The following TEX29 variants were observed in gnomAD, a reference collection of about 807,000 sequenced individuals.
The protein encoded by TEX29 is testis-expressed protein 29.
A neutral mutation model predicts 18.2 loss-of-function variants in TEX29; 26 were observed. The ratio of observed to expected loss-of-function variants is 1.43; its 90% confidence interval spans 1.04 to 1.98. The LOEUF (loss-of-function observed/expected upper bound fraction) is 1.98, where lower values mean the gene tolerates loss of function less well. Among genes scored for constraint, TEX29 ranks in the 30% most tolerant of loss-of-function variants. The pLI is 0.00. For missense variants in TEX29, 177 were observed against 194.2 expected (o/e 0.91, Z 0.53); for synonymous variants, 83 against 78.5 (o/e 1.06, Z -0.31).
intron 2 of TEX29, 29 bp from the exon 3 acceptor site, chr13:111,328,154 G>A (rs768444194): frequency 9.5e-6 from 14 of 1,479,828 alleles, no homozygotes; most frequent in Non-Finnish European, 1.3e-5. Flanking sequence ...TTTCGGGGGT[G>A]ACACTTGTGT....
rs1049338448 is a variant in TEX29, at chr13:111,320,742, C to A, written c.-55C>A. Reference sequence around the variant, plus strand: ...AGAGGCACAGGTGGCTGAGGGGACCCGCCTGGGATGTGAGGCGCAGGTGAG... The same window carrying A: ...AGAGGCACAGGTGGCTGAGGGGACCAGCCTGGGATGTGAGGCGCAGGTGAG... On this transcript the variant is annotated 5_prime_UTR_variant, in exon 1 of 6. Transcript: ENST00000283547. 6 of 916,378 alleles carry A rather than the reference C, an allele frequency of 6.5e-6. No individual in the cohort carries two copies. Among genetic ancestry groups the A allele is most frequent in the Non-Finnish European group, 8.9e-6 (5 of 559,184 alleles). The allele number at this position is 916,378 out of a possible 1,614,324, so 56.8% of individuals were successfully genotyped here.
chr13:111,323,026 C>T (rs532847335), intron 2 of TEX29, among the ~76,000 whole-genome samples: 144 of 152,358 alleles, frequency 9.5e-4, no homozygotes, highest in Non-Finnish European at 1.5e-3. Context: ...TCCTTCTCTG[C>T]GCAACTTTGC....
At chr13:111,328,385 C>T (rs1378655767) in intron 3 of TEX29, 92 bp downstream of exon 3, 1 of 853,170 alleles carries the variant, frequency 1.2e-6, no homozygotes, top group Non-Finnish European at 2.0e-6. Context: ...TCCTCGGGGT[C>T]TCTGTTTGCT....
chr13:111,328,023 T>C (rs1298661872), intron 2 of TEX29, among the ~76,000 whole-genome samples, 160 bp from the exon 3 acceptor site: 1 of 152,232 alleles, frequency 6.6e-6, no homozygotes, highest in African/African-American at 2.4e-5. Flanking sequence ...TTCTGGATCT[T>C]AGTTTCAAAT....
At chr13:111,326,785 C>T (rs1467138984) in intron 2 of TEX29, among the ~76,000 whole-genome samples, 2 of 152,074 alleles carry the variant, frequency 1.3e-5, no homozygotes, top group African/African-American at 2.4e-5. Context: ...TCATCACCTG[C>T]GTCAGAAAGT....
intron 5 of TEX29, among the ~76,000 whole-genome samples, chr13:111,343,584 G>A (rs2093700239): frequency 6.6e-6 from 1 of 152,188 alleles, no homozygotes; most frequent in Non-Finnish European, 1.5e-5. Context: ...GAGGTTGCCG[G>A]TTGCTTTTCC....
intron 2 of TEX29, among the ~76,000 whole-genome samples, chr13:111,322,586 T>C (rs923043179): frequency 3.9e-5 from 6 of 152,140 alleles, no homozygotes; most frequent in Non-Finnish European, 8.8e-5. Flanking sequence ...GTGTGCCAGG[T>C]CACCCAAGGC....
At chr13:111,320,998 G>C (rs778454385) in intron 2 of TEX29, 50 bp downstream of exon 2, 8 of 1,040,448 alleles carry the variant, frequency 7.7e-6, no homozygotes, top group South Asian at 4.6e-5. Context: ...GAGCAGTTGG[G>C]GGGGGGCACA....
At chr13:111,316,204 G>A (rs1036807786), upstream of TEX29, 1 of 503,478 alleles carries the variant, frequency 2.0e-6, no homozygotes, top group Non-Finnish European at 4.0e-6. Flanking sequence ...CCTGGAAGAA[G>A]AACCTGATGC....
intron 3 of TEX29, among the ~76,000 whole-genome samples, chr13:111,338,973 G>GT (rs1298826871): frequency 1.3e-5 from 2 of 152,210 alleles, no homozygotes; most frequent in African/African-American, 4.8e-5. Flanking sequence ...GTGCTGGGCG[G>GT]TGCTGCGCCC....
intron 4 of TEX29, among the ~76,000 whole-genome samples, chr13:111,340,144 TGTTTAGTGA>T (rs2093695637): frequency 6.6e-6 from 1 of 151,398 alleles, no homozygotes; most frequent in African/African-American, 2.4e-5. Flanking sequence ...TCATAACCCA[TGTTTAGTGA>T]GCACCTGTGC....
chr13:111,320,955 A>C lies in TEX29; in HGVS notation c.58+7A>C, dbSNP rs771742643. 2.9e-5 allele frequency: 22 copies of C among 757,396 alleles called. No individual in the cohort carries two copies. The South Asian group carries it at 4.5e-4, about 16-fold the overall frequency. The allele number at this position is 757,396 out of a possible 1,614,324, so 46.9% of individuals were successfully genotyped here. A position where few individuals can be genotyped will look rare whatever the true frequency, so the allele number is the denominator to read the frequency against. On this transcript the variant is annotated splice_region_variant and intron_variant, in intron 2 of 5. Coordinates refer to ENST00000283547, the MANE Select transcript of TEX29 (RefSeq NM_152324.3). ...CTCCTGAAGCAATTCACAGGTATGG[A>C]GGGAAGGCGCCAGGGGGGCGGGTGG...
upstream of TEX29, among the ~76,000 whole-genome samples, chr13:111,317,852 C>T (rs1182796442): frequency 6.6e-6 from 1 of 152,194 alleles, no homozygotes; most frequent in Admixed American, 6.5e-5. Flanking sequence ...TGTTGCTGCA[C>T]AGCCGTCCGT....
intron 3 of TEX29, among the ~76,000 whole-genome samples, chr13:111,329,224 C>T (rs745817944): frequency 2.0e-5 from 3 of 152,102 alleles, no homozygotes; most frequent in South Asian, 2.1e-4. Flanking sequence ...CTGCACAGCA[C>T]GCCCTCGGGA....
At position 111,320,746 on chromosome 13, in the gene TEX29, TG is replaced by T; in HGVS notation, c.-48del. The T allele has an allele frequency of 1.1e-6, 1 of 949,986 alleles. No homozygotes were observed. Among genetic ancestry groups the T allele is most frequent in the Non-Finnish European group, 1.7e-6 (1 of 586,566 alleles). The allele number at this position is 949,986 out of a possible 1,614,324, so 58.8% of individuals were successfully genotyped here. ...GCACAGGTGGCTGAGGGGACCCGCC[TG>T]GGATGTGAGGCGCAGGTGAGTCGAT... On this transcript the variant is annotated 5_prime_UTR_variant, in exon 1 of 6. Transcript: ENST00000283547.
At chr13:111,336,487 A>T (rs569207806) in intron 3 of TEX29, among the ~76,000 whole-genome samples, 14 of 152,340 alleles carry the variant, frequency 9.2e-5, no homozygotes, top group African/African-American at 3.1e-4. Flanking sequence ...AATCTGTATT[A>T]TTAAGAATAT....
At chr13:111,331,646 A>C (rs2093682926) in intron 3 of TEX29, among the ~76,000 whole-genome samples, 1 of 152,120 alleles carries the variant, frequency 6.6e-6, no homozygotes. Context: ...CAAGGTTGCA[A>C]ATATTTATAC....
Position 111,320,880 on chromosome 13 carries a change from C to A in TEX29, c.-11C>A. On this transcript the variant is annotated 5_prime_UTR_variant, in exon 2 of 6. Coordinates refer to ENST00000283547, the MANE Select transcript of TEX29 (RefSeq NM_152324.3). Reference sequence around the variant, plus strand: ...AGGTGTGCTCGGCCCCTTCATCTGTCAGCTGCAGCAATGGAATACGTGCTG... The same window carrying A: ...AGGTGTGCTCGGCCCCTTCATCTGTAAGCTGCAGCAATGGAATACGTGCTG... The A allele has an allele frequency of 6.2e-7, 1 of 1,613,158 alleles. No homozygotes were observed. The highest frequency in any genetic ancestry group is 1.1e-5 in the South Asian group (1 of 91,072).
upstream of TEX29, among the ~76,000 whole-genome samples, chr13:111,319,277 C>T (rs1242631497): frequency 1.3e-5 from 2 of 152,108 alleles, no homozygotes; most frequent in Non-Finnish European, 2.9e-5. Context: ...TTGAGTGTTC[C>T]CAACAGCATT....
Sources: allele counts gnomAD v4.1 joint callset (sites outside exome capture counted in the v4.1 genomes callset), GRCh38; gene constraint gnomAD v4.1.1; transcripts MANE v1.5; gene names NCBI Gene and HGNC (gene_info 2026-07-23, HGNC 2026-07-21).